The following HS3ST2 variants were observed in gnomAD, a reference collection of about 807,000 sequenced individuals.
The protein encoded by HS3ST2 is heparan sulfate-glucosamine 3-sulfotransferase 2, also known as heparan sulfate glucosamine 3-O-sulfotransferase 2.
In HS3ST2, 17 loss-of-function variants were observed where a neutral mutation model predicts 26.3. That is an observed-to-expected ratio of 0.65 (90% confidence interval 0.44 to 0.97). The LOEUF (loss-of-function observed/expected upper bound fraction) is 0.97. Ranked by LOEUF, HS3ST2 falls within the 50% of genes least tolerant of loss-of-function variation. The pLI, the probability that HS3ST2 is intolerant of heterozygous loss-of-function variation, is 0.00. For synonymous variants in HS3ST2, 237 were observed against 219.2 expected (o/e 1.08, Z -0.72); for missense variants, 402 against 501.2 (o/e 0.80, Z 1.89).
intron 1 of HS3ST2, among the ~76,000 whole-genome samples, chr16:22,861,735 T>C (rs1399648645): frequency 6.6e-6 from 1 of 152,180 alleles, no homozygotes; most frequent in Admixed American, 6.5e-5. Flanking sequence ...CTCCGGCATC[T>C]CATGTGATAT....
At chr16:22,857,465 C>T (rs1228593842) in intron 1 of HS3ST2, among the ~76,000 whole-genome samples, 1 of 152,146 alleles carries the variant, frequency 6.6e-6, no homozygotes, top group Non-Finnish European at 1.5e-5. Flanking sequence ...CATTTCCTTT[C>T]CAGCCTCATT....
Position 22,870,929 on chromosome 16 carries a change from C to T in HS3ST2, c.486-44015C>T, listed in dbSNP as rs142111965. ...TACAATGGTTCAACTTAAGATTTTT[C>T]GACTTTATGATGGTGGAAAAGCAAT... On this transcript the variant is annotated intron_variant, in intron 1 of 1. Transcript: ENST00000261374. 1.3e-3 allele frequency among the ~76,000 whole-genome samples: 199 copies of T among 152,278 alleles called. 5 individuals carry two copies. The South Asian group carries it at 0.019, about 15-fold the overall frequency.
intron 1 of HS3ST2, among the ~76,000 whole-genome samples, chr16:22,827,708 TTC>T (rs1177987631): frequency 1.7e-5 from 2 of 120,958 alleles, no homozygotes; most frequent in Non-Finnish European, 3.3e-5. Context: ...CTTTCTTTCT[TTC>T]TTTTTTTTTT....
intron 1 of HS3ST2, among the ~76,000 whole-genome samples, chr16:22,894,505 G>C (rs1324227824): frequency 6.6e-6 from 1 of 152,154 alleles, no homozygotes; most frequent in African/African-American, 2.4e-5. Context: ...GGAAGGTTCT[G>C]TGTCAAGAAC....
chr16:22,815,116 T>C lies in HS3ST2; in HGVS notation c.485+21T>C, dbSNP rs376374371. On this transcript the variant is annotated intron_variant, in intron 1 of 1. Coordinates refer to ENST00000261374, the MANE Select transcript of HS3ST2 (RefSeq NM_006043.2). ...TACAGGTAAGGACCAGGAGCTCCGCTCCGTGCGCCGGGTCTCTGATCGCTT... is the reference window on the plus strand; with the variant it reads ...TACAGGTAAGGACCAGGAGCTCCGCCCCGTGCGCCGGGTCTCTGATCGCTT... 170 of 1,607,470 alleles carry C rather than the reference T, an allele frequency of 1.1e-4. 1 individual carries two copies. In the East Asian group the frequency reaches 2.1e-3, roughly 20 times the overall value.
At chr16:22,899,226 C>T (rs748282108) in intron 1 of HS3ST2, among the ~76,000 whole-genome samples, 4 of 152,030 alleles carry the variant, frequency 2.6e-5, no homozygotes, top group African/African-American at 9.7e-5. Flanking sequence ...GTGGGGACTC[C>T]GTGGACAATT....
chr16:22,914,732 G>T (rs1902467628), intron 1 of HS3ST2, among the ~76,000 whole-genome samples: 1 of 48,638 alleles, frequency 2.1e-5, no homozygotes, highest in African/African-American at 1.4e-4. Context: ...GTGAGACCTT[G>T]TCTCAAAAAA....
intron 1 of HS3ST2, among the ~76,000 whole-genome samples, chr16:22,834,249 G>T (rs1256320605): frequency 6.6e-6 from 1 of 152,104 alleles, no homozygotes; most frequent in Non-Finnish European, 1.5e-5. Context: ...ATTACCCAAA[G>T]TGTACCCACA....
intron 1 of HS3ST2, among the ~76,000 whole-genome samples, chr16:22,842,818 A>C (rs1381316160): frequency 1.3e-5 from 2 of 151,814 alleles, no homozygotes; most frequent in East Asian, 3.9e-4. Flanking sequence ...TTCCTCTACG[A>C]TTTTTCATTT....
intron 1 of HS3ST2, among the ~76,000 whole-genome samples, chr16:22,844,886 A>C (rs1480589772): frequency 6.7e-6 from 1 of 149,090 alleles, no homozygotes; most frequent in African/African-American, 2.5e-5. Flanking sequence ...ATGGAGTCTC[A>C]GTCTGTTGCC....
At chr16:22,890,715 C>T (rs1438390129) in intron 1 of HS3ST2, among the ~76,000 whole-genome samples, 4 of 152,138 alleles carry the variant, frequency 2.6e-5, no homozygotes, top group African/African-American at 4.8e-5. Context: ...ATAGCTTACC[C>T]GTGATTACTC....
chr16:22,851,344 G>C (rs1244136751), intron 1 of HS3ST2, among the ~76,000 whole-genome samples: 1 of 152,160 alleles, frequency 6.6e-6, no homozygotes, highest in Non-Finnish European at 1.5e-5. Flanking sequence ...CAACTCTGTT[G>C]GGTAGAAACT....
chr16:22,896,632 A>T (rs1902214359), intron 1 of HS3ST2, among the ~76,000 whole-genome samples: 1 of 152,208 alleles, frequency 6.6e-6, no homozygotes, highest in African/African-American at 2.4e-5. Flanking sequence ...TATTTTTGAC[A>T]TCGCTAATTC....
chr16:22,907,801 A>G (rs992421178), intron 1 of HS3ST2, among the ~76,000 whole-genome samples: 9 of 152,278 alleles, frequency 5.9e-5, no homozygotes, highest in Non-Finnish European at 1.3e-4. Flanking sequence ...TGATGGTTAA[A>G]GGCTGGGGAA....
intron 1 of HS3ST2, among the ~76,000 whole-genome samples, chr16:22,819,518 G>A (rs941553384): frequency 1.3e-5 from 2 of 152,162 alleles, no homozygotes; most frequent in Non-Finnish European, 2.9e-5. Flanking sequence ...CAATTTTGCT[G>A]GTGTTTCGGT....
intron 1 of HS3ST2, among the ~76,000 whole-genome samples, chr16:22,903,588 T>C (rs925441884): frequency 4.6e-5 from 7 of 152,216 alleles, no homozygotes; most frequent in African/African-American, 1.4e-4. Flanking sequence ...GTCCTGTGCC[T>C]GGCATGCAGT....
At chr16:22,895,278 C>A (rs752304197) in intron 1 of HS3ST2, among the ~76,000 whole-genome samples, 31 of 152,126 alleles carry the variant, frequency 2.0e-4, no homozygotes, top group Middle Eastern at 3.4e-3. Flanking sequence ...TCAGTAGAGA[C>A]AGGGTTTCGC....
At chr16:22,902,425 C>G (rs1030510069) in intron 1 of HS3ST2, among the ~76,000 whole-genome samples, 4 of 152,166 alleles carry the variant, frequency 2.6e-5, no homozygotes, top group Non-Finnish European at 5.9e-5. Context: ...CCTCCCATAC[C>G]CTTTCTACCT....
At chr16:22,875,918 G>C (rs914322358) in intron 1 of HS3ST2, among the ~76,000 whole-genome samples, 2 of 152,110 alleles carry the variant, frequency 1.3e-5, no homozygotes, top group Non-Finnish European at 2.9e-5. Flanking sequence ...CAGTATTCAG[G>C]ACAGCAACAT....
Sources: allele counts gnomAD v4.1 joint callset (sites outside exome capture counted in the v4.1 genomes callset), GRCh38; gene constraint gnomAD v4.1.1; transcripts MANE v1.5; gene names NCBI Gene and HGNC (gene_info 2026-07-23, HGNC 2026-07-21).